Variants in SNAP29 observed in about 807,000 individuals in gnomAD.
The protein encoded by SNAP29 is synaptosome associated protein 29, also known as synaptosomal-associated protein 29.
A neutral mutation model predicts 27.9 loss-of-function variants in SNAP29; 13 were observed. The ratio of observed to expected loss-of-function variants is 0.47; its 90% CI spans 0.30 to 0.74. The LOEUF (loss-of-function observed/expected upper bound fraction) is 0.74. SNAP29 is among the 30% of genes least tolerant of loss of function. The probability of loss-of-function intolerance (pLI) is 0.06; values close to 1 mark genes in which losing one functional copy is unlikely to be tolerated. For missense variants in SNAP29, 368 were observed against 336.5 expected, an observed-to-expected ratio of 1.09 and a Z score of -0.73; for synonymous variants, 119 against 127.1, an observed-to-expected ratio of 0.94 and a Z score of 0.43.
At chr22:20,884,275 T>C (rs1279243263) in intron 4 of SNAP29, among the ~76,000 whole-genome samples, 2 of 149,726 alleles carry the variant, frequency 1.3e-5, no homozygotes, top group Non-Finnish European at 3.0e-5. Context: ...GAGGTTGCAG[T>C]GAGCCAAGAT....
chr22:20,865,346 C>A (rs1329016008), intron 1 of SNAP29, among the ~76,000 whole-genome samples: 5 of 151,824 alleles, frequency 3.3e-5, no homozygotes, highest in African/African-American at 1.2e-4. Context: ...CAAAGTGAGA[C>A]CCTGTCTCAA....
At chr22:20,860,527 C>A (rs1201823380) in intron 1 of SNAP29, among the ~76,000 whole-genome samples, 1 of 151,584 alleles carries the variant, frequency 6.6e-6, no homozygotes, top group Non-Finnish European at 1.5e-5. Flanking sequence ...GCCGCCACAC[C>A]CGGCTAATTT....
At position 20,883,408 on chromosome 22, in the gene SNAP29, T is replaced by C. The variant is rs1928933915; in HGVS notation, c.521-63T>C. 9.3e-6 allele frequency: 10 copies of C among 1,072,670 alleles called. No homozygotes were observed. In the Admixed American group the frequency reaches 1.5e-4, roughly 16 times the overall value. The allele number at this position is 1,072,670 out of a possible 1,614,324, so 66.4% of individuals were successfully genotyped here. On this transcript the variant is annotated intron_variant, in intron 3 of 4. Transcript: ENST00000215730. ...TTTCCAGATGAAATTGTTTTGGGTG[T>C]GTGAAGCAGCATTTGAAGGAATGTC...
chr22:20,872,515 C>G (rs1324613673), intron 2 of SNAP29, among the ~76,000 whole-genome samples: 1 of 152,168 alleles, frequency 6.6e-6, no homozygotes, highest in African/African-American at 2.4e-5. Flanking sequence ...GTTCTCCTGC[C>G]TCAGCCTCCC....
At chr22:20,885,595 A>G (rs1401868537) in intron 4 of SNAP29, among the ~76,000 whole-genome samples, 2 of 152,218 alleles carry the variant, frequency 1.3e-5, no homozygotes, top group Non-Finnish European at 2.9e-5. Context: ...TGCTGGCAGA[A>G]GTGGGAGAAG....
At chr22:20,882,851 C>T (rs1369049309) in intron 3 of SNAP29, among the ~76,000 whole-genome samples, 2 of 152,124 alleles carry the variant, frequency 1.3e-5, no homozygotes, top group African/African-American at 4.8e-5. Context: ...TGAAGTTTCC[C>T]TGAAAGAGAT....
chr22:20,866,416 C>T lies in SNAP29; in HGVS notation c.238-3921C>T, dbSNP rs375988337. Among the ~76,000 whole-genome samples the T allele has an allele frequency of 5.9e-5, 9 of 152,364 alleles. No individual in the cohort carries two copies. The South Asian group carries it at 1.2e-3, about 21-fold the overall frequency. On this transcript the variant is annotated intron_variant, in intron 1 of 4. Transcript: ENST00000215730. ...ATAAATTTCAGATTTCTAGATTCAGCTCACTGACTCCAGATTGGCCTCCGT... is the reference window on the plus strand; with the variant it reads ...ATAAATTTCAGATTTCTAGATTCAGTTCACTGACTCCAGATTGGCCTCCGT...
rs1929074218 is a variant in SNAP29 at position 20,888,354 on chromosome 22, C to T, written c.*518C>T. 1.6e-5 allele frequency: 1 copy of T among 61,430 alleles called. No homozygotes were observed. 3.8% of individuals were successfully genotyped at this position (61,430 alleles called of 1,614,324 possible). On this transcript the variant is annotated 3_prime_UTR_variant, in exon 5 of 5. Coordinates refer to ENST00000215730, the MANE Select transcript of SNAP29 (RefSeq NM_004782.4). Reference sequence around the variant, plus strand: ...ACACACACACACACACACACACACACACTCTCTGAGCACATTATCTGTGAT... The same window carrying T: ...ACACACACACACACACACACACACATACTCTCTGAGCACATTATCTGTGAT...
At chr22:20,864,426 T>C (rs1376554540) in intron 1 of SNAP29, among the ~76,000 whole-genome samples, 7 of 152,142 alleles carry the variant, frequency 4.6e-5, no homozygotes, top group South Asian at 2.1e-4. Context: ...ACACCCCTCC[T>C]GGCCCAGGAG....
At chr22:20,862,807 T>C (rs1417111622) in intron 1 of SNAP29, among the ~76,000 whole-genome samples, 2 of 152,214 alleles carry the variant, frequency 1.3e-5, no homozygotes, top group African/African-American at 2.4e-5. Flanking sequence ...TTCTCAATTA[T>C]GAGAAGCCCT....
rs116044920 is a variant in SNAP29, at chr22:20,874,536, G to A, written c.434+4003G>A. Among the ~76,000 whole-genome samples, 956 of 147,254 alleles carry A rather than the reference G, an allele frequency of 6.5e-3. 13 individuals carry two copies. The highest frequency in any genetic ancestry group is 0.023 in the African/African-American group (911 of 39,532). ...CCTACAATGAGCTATGATTGTACCA[G>A]TCTACTCCAGCCTGGGTGACAGAGT... On this transcript the variant is annotated intron_variant, in intron 2 of 4. Coordinates refer to ENST00000215730, the MANE Select transcript of SNAP29 (RefSeq NM_004782.4).
Position 20,887,756 on chromosome 22 carries a change from A to G in SNAP29, c.697A>G (p.Ile233Val), listed in dbSNP as rs1929053710. Residue 233 changes from isoleucine (I) to valine (V), a missense_variant, in exon 5 of 5, where the codon ATT (isoleucine) becomes GTT (valine). Ile to Val is a conservative substitution (Grantham distance 29). Transcript: ENST00000215730. Reference protein sequence around the residue: ...MQTEIEEQDDILDRLTTKVDK... With the variant: ...MQTEIEEQDDVLDRLTTKVDK... Reference sequence around the variant, plus strand: ...GACAGAAATTGAGGAGCAAGATGACATTCTTGACCGGCTGACAACCAAAGT... The same window carrying G: ...GACAGAAATTGAGGAGCAAGATGACGTTCTTGACCGGCTGACAACCAAAGT... 1.9e-6 allele frequency: 3 copies of G among 1,614,222 alleles called. No homozygotes were observed. The highest frequency in any genetic ancestry group is 2.5e-6 in the Non-Finnish European group (3 of 1,180,024).
chr22:20,883,449 T>G (rs1928935635), intron 3 of SNAP29, 22 bp from the exon 4 acceptor site: 1 of 1,455,928 alleles, frequency 6.9e-7, no homozygotes. Context: ...ACCGCTCTCC[T>G]GGTGTTTCCT....
rs1555915493 is a variant in SNAP29, at chr22:20,890,529, G to GGGGGGATCACGAGGTC, written c.*2694_*2709dup. ...TCCCAGTGCTTTGGGAGGCCAAGGC[G>GGGGGGATCACGAGGTC]GGGGGATCACGAGGTCAGGAGATCG... is the stretch of plus-strand genomic sequence containing the variant. On this transcript the variant is annotated 3_prime_UTR_variant, in exon 5 of 5. Transcript: ENST00000215730. 12 of 377,450 alleles carry GGGGGGATCACGAGGTC rather than the reference G, an allele frequency of 3.2e-5. No individual in the cohort carries two copies. The highest frequency in any genetic ancestry group is 2.1e-4 in the African/African-American group (10 of 47,946). 23.4% of individuals were successfully genotyped at this position (377,450 alleles called of 1,614,324 possible). A position where few individuals can be genotyped will look rare whatever the true frequency, so the allele number is the denominator to read the frequency against.
At chr22:20,877,843 G>A (rs1014321776) in intron 2 of SNAP29, among the ~76,000 whole-genome samples, 5 of 152,214 alleles carry the variant, frequency 3.3e-5, no homozygotes, top group Non-Finnish European at 5.9e-5. Context: ...TAAAGCCAGC[G>A]TTGAGATGTG....
chr22:20,861,051 T>G (rs944501042), intron 1 of SNAP29, among the ~76,000 whole-genome samples: 2 of 151,986 alleles, frequency 1.3e-5, no homozygotes, highest in African/African-American at 4.8e-5. Flanking sequence ...CCTTGCTGTT[T>G]TCTTGGGTTA....
At chr22:20,872,435 C>G (rs547026909) in intron 2 of SNAP29, among the ~76,000 whole-genome samples, 15 of 151,524 alleles carry the variant, frequency 9.9e-5, no homozygotes, top group African/African-American at 3.4e-4. Flanking sequence ...GAGTCTCACT[C>G]TGTCACCCAG....
chr22:20,881,072 G>T lies in SNAP29; in HGVS notation c.458G>T (p.Ser153Ile), dbSNP rs1342586367. 1.9e-6 allele frequency: 3 copies of T among 1,612,824 alleles called. No individual in the cohort carries two copies. Among genetic ancestry groups the T allele is most frequent in the Non-Finnish European group, 2.5e-6 (3 of 1,178,788 alleles). ...AGATTGAAAGAAGCTATAAGTACAA[G>T]TAAAGAACAGGAAGCAAAGTACCAG... ...NNRLKEAIST[S>I]KEQEAKYQAS... Residue 153 changes from serine (S) to isoleucine (I), a missense_variant, in exon 3 of 5, where the codon AGT (serine) becomes ATT (isoleucine). Coordinates refer to ENST00000215730, the MANE Select transcript of SNAP29 (RefSeq NM_004782.4).
chr22:20,873,263 G>A (rs897137207), intron 2 of SNAP29, among the ~76,000 whole-genome samples: 5 of 150,884 alleles, frequency 3.3e-5, no homozygotes, highest in African/African-American at 7.3e-5. Flanking sequence ...CTCCCACCTC[G>A]GCCTCCCAAA....
Sources: gnomAD v4.1 joint callset for allele counts (sites outside exome capture counted in the v4.1 genomes callset) on GRCh38, gnomAD v4.1.1 for gene constraint, MANE v1.5 for transcripts, NCBI Gene and HGNC (gene_info 2026-07-23, HGNC 2026-07-21) for gene names.